CAMK1D: variants seen among roughly 807,000 people sequenced by gnomAD.
CAMK1D encodes the protein calcium/calmodulin dependent protein kinase ID.
Under a neutral mutation model 47.7 loss-of-function variants are expected in CAMK1D, and 9 were observed. The observed-to-expected ratio is 0.19, with a 90% CI of 0.11 to 0.33. The LOEUF is 0.33. Ranked by LOEUF, CAMK1D falls within the 10% of genes least tolerant of loss-of-function variation. CAMK1D has a pLI of 1.00. For missense variants in CAMK1D, 291 were observed against 488.7 expected, an observed-to-expected ratio of 0.60 and a Z score of 3.81; for synonymous variants, 184 against 184.9, an observed-to-expected ratio of 0.99 and a Z score of 0.04.
intron 6 of CAMK1D, among the ~76,000 whole-genome samples, chr10:12,813,801 C>T (rs1331936078): frequency 6.6e-6 from 1 of 151,978 alleles, no homozygotes; most frequent in South Asian, 2.1e-4. Context: ...CGCTCTGTCA[C>T]CCAGGCTAGA....
chr10:12,828,176 C>T (rs1204933930), intron 10 of CAMK1D, among the ~76,000 whole-genome samples: 1 of 152,288 alleles, frequency 6.6e-6, no homozygotes, highest in South Asian at 2.1e-4. Context: ...ATTAAGTGCT[C>T]AGTACATGGA....
intron 2 of CAMK1D, among the ~76,000 whole-genome samples, chr10:12,598,438 A>G (rs1838207060): frequency 6.6e-6 from 1 of 152,204 alleles, no homozygotes. Flanking sequence ...AGAGTAGTTT[A>G]AACTACTATT....
At chr10:12,718,419 C>T (rs1834240519) in intron 3 of CAMK1D, among the ~76,000 whole-genome samples, 1 of 152,126 alleles carries the variant, frequency 6.6e-6, no homozygotes, top group Non-Finnish European at 1.5e-5. Context: ...GTGTATCTTA[C>T]GCCATTTGCT....
rs993014930 is a variant in CAMK1D, at chr10:12,834,174, G to C, written c.*5287G>C. The C allele has an allele frequency of 6.6e-6, 1 of 152,316 alleles. No individual in the cohort carries two copies. The highest frequency in any genetic ancestry group is 6.5e-5 in the Admixed American group (1 of 15,288). The allele number at this position is 152,316 out of a possible 1,614,324, so 9.4% of individuals were successfully genotyped here. A position where few individuals can be genotyped will look rare whatever the true frequency, so the allele number is the denominator to read the frequency against. ...TTGACAACCTCAACTCTGGGGAGCA[G>C]GCAGGCGGTCTGAGGAAGATAAGGG... is the stretch of plus-strand genomic sequence containing the variant. On this transcript the variant is annotated 3_prime_UTR_variant, in exon 11 of 11. Coordinates refer to ENST00000619168, the MANE Select transcript of CAMK1D (RefSeq NM_153498.4).
intron 1 of CAMK1D, among the ~76,000 whole-genome samples, chr10:12,474,278 A>G (rs993596834): frequency 6.8e-6 from 1 of 147,320 alleles, no homozygotes; most frequent in Non-Finnish European, 1.5e-5. Context: ...GGCTCACTGC[A>G]AGCTCCGCCT....
At chr10:12,630,181 C>T (rs1233186025) in intron 2 of CAMK1D, among the ~76,000 whole-genome samples, 2 of 152,138 alleles carry the variant, frequency 1.3e-5, no homozygotes, top group Non-Finnish European at 2.9e-5. Flanking sequence ...TGCTTATAAC[C>T]TGGTTACTTC....
intron 1 of CAMK1D, among the ~76,000 whole-genome samples, chr10:12,506,601 C>T (rs1834880449): frequency 6.6e-6 from 1 of 152,096 alleles, no homozygotes; most frequent in Admixed American, 6.5e-5. Flanking sequence ...TCACTGCAGT[C>T]TCCGCCTCCC....
At chr10:12,726,999 G>A (rs1834671660) in intron 3 of CAMK1D, among the ~76,000 whole-genome samples, 2 of 152,342 alleles carry the variant, frequency 1.3e-5, no homozygotes, top group African/African-American at 2.4e-5. Context: ...GGCACGCCAT[G>A]CCCGTGGCCC....
chr10:12,410,796 C>T (rs957207069), intron 1 of CAMK1D, among the ~76,000 whole-genome samples: 1 of 152,134 alleles, frequency 6.6e-6, no homozygotes, highest in African/African-American at 2.4e-5. Context: ...GCGACCTGAG[C>T]TTTGTGGAGC....
At chr10:12,556,702 G>GT (rs1836772286) in intron 2 of CAMK1D, among the ~76,000 whole-genome samples, 1 of 152,208 alleles carries the variant, frequency 6.6e-6, no homozygotes, top group African/African-American at 2.4e-5. Context: ...GGAGGGCCTT[G>GT]TGTACCCACT....
At chr10:12,432,328 G>C (rs11257790) in intron 1 of CAMK1D, among the ~76,000 whole-genome samples, 25,487 of 152,176 alleles carry the variant, frequency 0.17, 2,561 homozygotes, top group Admixed American at 0.3. Context: ...CTTAGTCCAA[G>C]GTTTATTTGT....
At chr10:12,378,756 T>C (rs560264618) in intron 1 of CAMK1D, among the ~76,000 whole-genome samples, 1 of 152,120 alleles carries the variant, frequency 6.6e-6, no homozygotes, top group South Asian at 2.1e-4. Context: ...TTGCAAGGTT[T>C]TTTTCTCATG....
chr10:12,491,714 ATTGC>A (rs1834389502), intron 1 of CAMK1D, among the ~76,000 whole-genome samples: 3 of 151,972 alleles, frequency 2.0e-5, no homozygotes, highest in African/African-American at 7.3e-5. Context: ...CCGGCCGCCG[ATTGC>A]TAATTGTTGA....
chr10:12,651,848 G>A (rs1209960302), intron 2 of CAMK1D, among the ~76,000 whole-genome samples: 4 of 151,514 alleles, frequency 2.6e-5, no homozygotes, highest in South Asian at 4.2e-4. Flanking sequence ...GCGCGATCTC[G>A]GCTCACTGCA....
chr10:12,613,743 T>A (rs1838700979), intron 2 of CAMK1D, among the ~76,000 whole-genome samples: 1 of 152,132 alleles, frequency 6.6e-6, no homozygotes, highest in African/African-American at 2.4e-5. Context: ...CTCCTAAAGG[T>A]CTGGGATTAC....
intron 3 of CAMK1D, among the ~76,000 whole-genome samples, chr10:12,735,186 G>T (rs1436485132): frequency 6.6e-6 from 1 of 152,218 alleles, no homozygotes; most frequent in Non-Finnish European, 1.5e-5. Context: ...TTTAAGAAAC[G>T]AAAGTGTCGG....
intron 1 of CAMK1D, among the ~76,000 whole-genome samples, chr10:12,513,656 C>T (rs895442594): frequency 6.6e-6 from 1 of 151,988 alleles, no homozygotes; most frequent in Admixed American, 6.6e-5. Context: ...AAAAAATGAG[C>T]CAGGTGTGGT....
At chr10:12,429,729 A>G (rs1840377133) in intron 1 of CAMK1D, among the ~76,000 whole-genome samples, 1 of 152,150 alleles carries the variant, frequency 6.6e-6, no homozygotes, top group Non-Finnish European at 1.5e-5. Context: ...TGGGCTGACA[A>G]ACATTGGCAC....
chr10:12,740,032 G>A (rs78124887), intron 3 of CAMK1D, among the ~76,000 whole-genome samples: 1 of 152,132 alleles, frequency 6.6e-6, no homozygotes. Context: ...AGTATCTGAG[G>A]TAGGAACCGA....
Sources: allele counts gnomAD v4.1 joint callset (sites outside exome capture counted in the v4.1 genomes callset), GRCh38; gene constraint gnomAD v4.1.1; transcripts MANE v1.5; gene names NCBI Gene and HGNC (gene_info 2026-07-23, HGNC 2026-07-21).